The following PARD3B variants were observed in gnomAD, a reference collection of about 807,000 sequenced individuals.
PARD3B encodes the protein par-3 family cell polarity regulator beta.
Under a neutral mutation model 130.2 loss-of-function variants are expected in PARD3B, and 103 were observed. The observed-to-expected ratio is 0.79, with a 90% CI of 0.67 to 0.93. The LOEUF (loss-of-function observed/expected upper bound fraction) is 0.93. Among genes scored for constraint, PARD3B ranks in the 40% least tolerant of loss-of-function variants. PARD3B has a pLI of 0.00. For synonymous variants in PARD3B, 583 were observed against 553.2 expected, an observed-to-expected ratio of 1.05 and a Z score of -0.76; for missense variants, 1,609 against 1,499.2, an observed-to-expected ratio of 1.07 and a Z score of -1.21.
chr2:205,465,151 T>C (rs2048578609), intron 20 of PARD3B, among the ~76,000 whole-genome samples: 1 of 152,238 alleles, frequency 6.6e-6, no homozygotes, highest in African/African-American at 2.4e-5. Flanking sequence ...TAATGTCATA[T>C]AACTCAGAAG....
chr2:205,378,974 C>T (rs2045194828), intron 18 of PARD3B, among the ~76,000 whole-genome samples: 1 of 151,466 alleles, frequency 6.6e-6, no homozygotes, highest in Non-Finnish European at 1.5e-5. Context: ...CCGTCTGTGG[C>T]TACTTCTAAA....
chr2:205,504,122 A>G (rs954305474), intron 21 of PARD3B, among the ~76,000 whole-genome samples: 11 of 152,120 alleles, frequency 7.2e-5, no homozygotes, highest in Admixed American at 5.2e-4. Flanking sequence ...TCACAAACCT[A>G]ACAAAAACAA....
rs950454348 is a variant in PARD3B at position 204,799,458 on chromosome 2, C to T, written c.222+113176C>T. On this transcript the variant is annotated intron_variant, in intron 2 of 22. Transcript: ENST00000406610. The surrounding 1 kb of genome is among the most constrained non-coding windows in gnomAD (Gnocchi z 4.1). ...ATCAAGGAAGACCTCATTACCCTGACGGGGACACAAGCCTCTCTGGGTTTC... is the reference window on the plus strand; with the variant it reads ...ATCAAGGAAGACCTCATTACCCTGATGGGGACACAAGCCTCTCTGGGTTTC... 1.4e-4 allele frequency among the ~76,000 whole-genome samples: 22 copies of T among 152,254 alleles called. No individual in the cohort carries two copies. Among genetic ancestry groups the T allele is most frequent in the African/African-American group, 3.4e-4 (14 of 41,554 alleles).
At chr2:205,481,509 A>G (rs1384943352) in intron 20 of PARD3B, among the ~76,000 whole-genome samples, 1 of 152,164 alleles carries the variant, frequency 6.6e-6, no homozygotes, top group Non-Finnish European at 1.5e-5. Flanking sequence ...GGAAGAAGGA[A>G]TGCAGGGGAG....
At chr2:205,400,893 G>A (rs1198878783) in intron 18 of PARD3B, 120 bp from the exon 19 acceptor site, 3 of 670,454 alleles carry the variant, frequency 4.5e-6, no homozygotes, top group African/African-American at 1.8e-5. Context: ...TATGCAAAAT[G>A]ATCTTGACTT....
At chr2:205,037,104 CTG>C (rs971069077) in intron 3 of PARD3B, among the ~76,000 whole-genome samples, 1 of 127,490 alleles carries the variant, frequency 7.8e-6, no homozygotes, top group African/African-American at 2.8e-5. Context: ...ATATAGCGGA[CTG>C]TATATATAAA....
At chr2:204,903,741 C>G (rs2046949286) in intron 2 of PARD3B, among the ~76,000 whole-genome samples, 1 of 152,036 alleles carries the variant, frequency 6.6e-6, no homozygotes, top group South Asian at 2.1e-4. Context: ...TTGCAGTGTC[C>G]TTTTATATGT....
chr2:205,189,312 C>A (rs1035612378), intron 14 of PARD3B, among the ~76,000 whole-genome samples: 2 of 152,178 alleles, frequency 1.3e-5, no homozygotes, highest in African/African-American at 4.8e-5. Context: ...TCAGACAGTT[C>A]TTGAACATTC....
chr2:205,518,530 A>G (rs555909345), intron 21 of PARD3B, among the ~76,000 whole-genome samples: 1 of 152,106 alleles, frequency 6.6e-6, no homozygotes, highest in East Asian at 1.9e-4. Flanking sequence ...ACTTTTTTAT[A>G]CAGCTTACCA....
chr2:204,822,755 C>T (rs1414396617), intron 2 of PARD3B, among the ~76,000 whole-genome samples: 3 of 152,134 alleles, frequency 2.0e-5, no homozygotes, highest in African/African-American at 4.8e-5. Context: ...TTCCTACTTA[C>T]TTCTTTGATT....
At chr2:205,459,905 T>C (rs1286601701) in intron 20 of PARD3B, among the ~76,000 whole-genome samples, 1 of 152,218 alleles carries the variant, frequency 6.6e-6, no homozygotes, top group South Asian at 2.1e-4. Context: ...TTGCACTCAC[T>C]GCAGCCTTGT....
chr2:205,614,399 T>A (rs2055345224), intron 22 of PARD3B, among the ~76,000 whole-genome samples: 1 of 152,158 alleles, frequency 6.6e-6, no homozygotes, highest in Admixed American at 6.5e-5. Context: ...AGTTGATTAC[T>A]TTATATCAAA....
At chr2:205,249,781 C>A (rs1393717042) in intron 16 of PARD3B, among the ~76,000 whole-genome samples, 1 of 151,986 alleles carries the variant, frequency 6.6e-6, no homozygotes, top group Non-Finnish European at 1.5e-5. Flanking sequence ...TATGGTGAGA[C>A]CTGCCCGGAG....
chr2:205,547,171 T>C (rs2052415120), intron 21 of PARD3B, among the ~76,000 whole-genome samples: 1 of 152,180 alleles, frequency 6.6e-6, no homozygotes. Flanking sequence ...CACTAATACA[T>C]GTTTACATAT....
chr2:205,260,405 C>T (rs2040257154), intron 16 of PARD3B, among the ~76,000 whole-genome samples: 1 of 152,092 alleles, frequency 6.6e-6, no homozygotes, highest in Non-Finnish European at 1.5e-5. Flanking sequence ...TTTCTCCAGA[C>T]CTATCTTCTA....
intron 2 of PARD3B, among the ~76,000 whole-genome samples, chr2:204,747,119 T>C (rs1396027794): frequency 1.3e-5 from 2 of 152,194 alleles, no homozygotes; most frequent in Non-Finnish European, 2.9e-5. Flanking sequence ...AGGTCTAACG[T>C]TTAAGTCTTT....
chr2:204,669,314 C>T lies in PARD3B; in HGVS notation c.121-16867C>T, dbSNP rs1253670816. On this transcript the variant is annotated intron_variant, in intron 1 of 22. Coordinates refer to ENST00000406610, the MANE Select transcript of PARD3B (RefSeq NM_001302769.2). The surrounding 1 kb of genome is among the most constrained non-coding windows in gnomAD (Gnocchi z 4.3). ...ATAGGATCAAGGGCAACCATGTTTA[C>T]TTTCATAAGGAGTAATTTTTTTTAC... 1.3e-5 allele frequency among the ~76,000 whole-genome samples: 2 copies of T among 152,028 alleles called. No individual in the cohort carries two copies. The highest frequency in any genetic ancestry group is 2.1e-4 in the South Asian group (1 of 4,828).
chr2:204,555,688 A>G lies in PARD3B; in HGVS notation c.120+9569A>G, dbSNP rs567234157. 5.9e-5 allele frequency among the ~76,000 whole-genome samples: 9 copies of G among 152,162 alleles called. No individual in the cohort carries two copies. The East Asian group carries it at 1.4e-3, about 23-fold the overall frequency. ...GACCTCTCTGACCTCATCATCTACC[A>G]CACAGCTGTCTGTTCTCCTGTCTCA... On this transcript the variant is annotated intron_variant, in intron 1 of 22. Transcript: ENST00000406610.
chr2:205,380,047 G>A (rs146354963), intron 18 of PARD3B, among the ~76,000 whole-genome samples: 3,370 of 133,912 alleles, frequency 0.025, 64 homozygotes, highest in Non-Finnish European at 0.039. Flanking sequence ...CAGCCTGGGC[G>A]ACAGAATGAG....
Sources: gnomAD v4.1 joint callset for allele counts (sites outside exome capture counted in the v4.1 genomes callset) on GRCh38, gnomAD v4.1.1 for gene constraint, Gnocchi (gnomAD v3.1) non-coding constraint, MANE v1.5 for transcripts, NCBI Gene and HGNC (gene_info 2026-07-23, HGNC 2026-07-21) for gene names.